The following FGF13 variants were observed in gnomAD, a reference collection of about 807,000 sequenced individuals.
FGF13 encodes fibroblast growth factor 13.
In FGF13, 2 loss-of-function variants were observed where a neutral mutation model predicts 19.5. The ratio of observed to expected loss-of-function variants is 0.10; its 90% CI spans 0.04 to 0.32. The LOEUF (loss-of-function observed/expected upper bound fraction) is 0.32. FGF13 is among the 10% of genes least tolerant of loss of function. The pLI is 1.00. For missense variants in FGF13, 113 were observed against 192.7 expected (o/e 0.59, Z 2.45); for synonymous variants, 72 against 76.9 (o/e 0.94, Z 0.33).
intron 1 of FGF13, among the ~76,000 whole-genome samples, chrX:139,073,388 T>A (rs2092383101): frequency 9.0e-6 from 1 of 111,320 alleles, no homozygotes; most frequent in Non-Finnish European, 1.9e-5. Context: ...AATAATATCA[T>A]AAGAGCTGTT....
chrX:138,870,430 G>A (rs780814392), intron 1 of FGF13, among the ~76,000 whole-genome samples: 1 of 111,919 alleles, frequency 8.9e-6, no homozygotes, highest in African/African-American at 3.2e-5. Context: ...CTGATTCAAA[G>A]CAAGGTCTGC....
chrX:138,702,886 T>A, intron 3 of FGF13, 98 bp downstream of exon 3: 1 of 547,580 alleles, frequency 1.8e-6, no homozygotes, highest in South Asian at 3.1e-5. Context: ...CTTCTCCTCA[T>A]CACAGAAATC....
intron 1 of FGF13, among the ~76,000 whole-genome samples, chrX:138,949,592 C>T (rs760150210): frequency 2.0e-4 from 22 of 111,920 alleles, no homozygotes; most frequent in Non-Finnish European, 3.4e-4. Flanking sequence ...AATAAGATCA[C>T]ATGCTGGTGT....
chrX:139,027,716 C>T lies in FGF13; in HGVS notation c.-112-163066G>A, dbSNP rs1038173028. 2.7e-5 allele frequency among the ~76,000 whole-genome samples: 3 copies of T among 111,124 alleles called. No homozygotes were observed. In the South Asian group the frequency reaches 1.1e-3, roughly 42 times the overall value. On this transcript the variant is annotated intron_variant, in intron 1 of 2. Coordinates refer to the FGF13 transcript ENST00000421460. ...AAGTAGAGATACATCTGTAAACACG[C>T]TAAATAAAAGGTCAAAGGCCTTTTG...
chrX:138,937,512 A>T (rs138940103), intron 1 of FGF13, among the ~76,000 whole-genome samples: 401 of 111,917 alleles, frequency 3.6e-3, no homozygotes, highest in African/African-American at 0.012. Context: ...GTGGCATAGC[A>T]CCCAGTACAT....
intron 1 of FGF13, among the ~76,000 whole-genome samples, chrX:139,044,949 A>G (rs887010741): frequency 1.8e-4 from 20 of 110,300 alleles, no homozygotes; most frequent in African/African-American, 6.3e-4. Context: ...CCCAGTGGGG[A>G]CTCTGTGTGG....
chrX:139,068,645 A>G (rs1282393949), intron 1 of FGF13, among the ~76,000 whole-genome samples: 12 of 108,463 alleles, frequency 1.1e-4, no homozygotes, highest in African/African-American at 1.4e-4. Flanking sequence ...ATTTGTTTGT[A>G]TCCTCTTTTA....
chrX:138,784,099 G>T (rs1302600719), intron 3 of FGF13, among the ~76,000 whole-genome samples: 1 of 95,894 alleles, frequency 1.0e-5, no homozygotes, highest in African/African-American at 3.8e-5. Flanking sequence ...CTCACTCATA[G>T]GTGGGAATTG....
chrX:138,887,020 G>T (rs754189324), intron 1 of FGF13, among the ~76,000 whole-genome samples: 63 of 111,391 alleles, frequency 5.7e-4, no homozygotes, highest in Non-Finnish European at 1.1e-3. Flanking sequence ...TTCTAGTCTG[G>T]CAAGTAGATC....
At chrX:138,892,860 C>T (rs1186100496) in intron 1 of FGF13, among the ~76,000 whole-genome samples, 1 of 108,160 alleles carries the variant, frequency 9.2e-6, no homozygotes, top group African/African-American at 3.4e-5. Flanking sequence ...TGTTTGTCTC[C>T]TCTAAGGTTT....
At chrX:139,122,828 G>A (rs1478961807) in intron 1 of FGF13, among the ~76,000 whole-genome samples, 1 of 111,102 alleles carries the variant, frequency 9.0e-6, no homozygotes, top group Non-Finnish European at 1.9e-5. Context: ...AGCAAATCTT[G>A]CAAACTCTAT....
At chrX:138,806,287 A>G (rs778010756) in intron 3 of FGF13, 1 of 112,361 alleles carries the variant, frequency 8.9e-6, no homozygotes, top group East Asian at 2.8e-4. Flanking sequence ...CTTTAGTCAT[A>G]TTAGGAGCGT....
intron 1 of FGF13, among the ~76,000 whole-genome samples, chrX:139,074,840 T>C (rs1469928391): frequency 8.9e-6 from 1 of 112,403 alleles, no homozygotes. Flanking sequence ...TCTCTTGTTA[T>C]GCCTTAGGAA....
chrX:138,770,078 T>C (rs1459576436), intron 3 of FGF13, among the ~76,000 whole-genome samples: 1 of 112,327 alleles, frequency 8.9e-6, no homozygotes, highest in African/African-American at 3.2e-5. Flanking sequence ...TATGCCCCTC[T>C]CTTGAGATCT....
At chrX:138,842,027 T>C (rs2091152918) in intron 3 of FGF13, among the ~76,000 whole-genome samples, 1 of 112,315 alleles carries the variant, frequency 8.9e-6, no homozygotes, top group Non-Finnish European at 1.9e-5. Flanking sequence ...TTGAACTAGA[T>C]ATGAAAACAT....
At position 138,719,382 on chromosome X, in the gene FGF13, A is replaced by T. The variant is rs760561214; in HGVS notation, c.29-10454T>A. 5.3e-5 allele frequency among the ~76,000 whole-genome samples: 6 copies of T among 112,371 alleles called. No individual in the cohort carries two copies. The South Asian group carries it at 2.2e-3, about 42-fold the overall frequency. On this transcript the variant is annotated intron_variant, in intron 1 of 4. Transcript: ENST00000305414. ...TAAAGAAAACATTGCTAACTTTCTC[A>T]TGAAAATTATAGGATTATAAAGCAC...
intron 1 of FGF13, among the ~76,000 whole-genome samples, chrX:139,189,858 C>T (rs2084311150): frequency 9.0e-6 from 1 of 111,498 alleles, no homozygotes; most frequent in African/African-American, 3.3e-5. Context: ...TATTTTACCA[C>T]AATTAAAAGT....
At chrX:138,979,261 G>A (rs767147161) in intron 1 of FGF13, among the ~76,000 whole-genome samples, 4 of 111,708 alleles carry the variant, frequency 3.6e-5, no homozygotes, top group Non-Finnish European at 7.5e-5. Context: ...ACATTAGTTG[G>A]GAAATGAAAA....
At chrX:138,949,416 A>G (rs2091798699) in intron 1 of FGF13, among the ~76,000 whole-genome samples, 1 of 110,966 alleles carries the variant, frequency 9.0e-6, no homozygotes, top group Non-Finnish European at 1.9e-5. Flanking sequence ...CATCACTTCA[A>G]TCTCTGCCTC....
Sources: gnomAD v4.1 joint callset for allele counts (sites outside exome capture counted in the v4.1 genomes callset) on GRCh38, gnomAD v4.1.1 for gene constraint, MANE v1.5 for transcripts, NCBI Gene and HGNC (gene_info 2026-07-23, HGNC 2026-07-21) for gene names.